The following ERICH3 variants were observed in gnomAD, a reference collection of about 807,000 sequenced individuals.
ERICH3 encodes glutamate rich 3, also known as glutamate-rich protein 3.
ERICH3 carries 126 observed loss-of-function variants against 131.1 expected under a neutral mutation model. The ratio of observed to expected loss-of-function variants is 0.96; its 90% CI spans 0.83 to 1.11. The LOEUF (loss-of-function observed/expected upper bound fraction) is 1.11. Ranked by LOEUF, ERICH3 falls within the 50% of genes most tolerant of loss-of-function variation. The pLI, the probability that ERICH3 is intolerant of heterozygous loss-of-function variation, is 0.00. For missense variants in ERICH3, 2,050 were observed against 1,810.7 expected, an observed-to-expected ratio of 1.13 and a Z score of -2.40; for synonymous variants, 695 against 644.6, an observed-to-expected ratio of 1.08 and a Z score of -1.18.
At chr1:74,629,742 A>G (rs187204595) in intron 7 of ERICH3, among the ~76,000 whole-genome samples, 1 of 152,284 alleles carries the variant, frequency 6.6e-6, no homozygotes, top group East Asian at 1.9e-4. Flanking sequence ...AACCAAACCC[A>G]GGCTGTGACC....
chr1:74,657,065 T>C lies in ERICH3; in HGVS notation c.24-7750A>G, dbSNP rs1039776809. Among the ~76,000 whole-genome samples, 5 of 152,212 alleles carry C rather than the reference T, an allele frequency of 3.3e-5. No individual in the cohort carries two copies. The East Asian group carries it at 9.6e-4, about 29-fold the overall frequency. On this transcript the variant is annotated intron_variant, in intron 1 of 14. Coordinates refer to ENST00000326665, the MANE Select transcript of ERICH3 (RefSeq NM_001002912.5). ...GGTCCAATTCCTTGACATATATCCT[T>C]TTTTAAAATCCACATGTGAGGATAA...
intron 1 of ERICH3, among the ~76,000 whole-genome samples, chr1:74,665,701 T>C (rs947669643): frequency 6.6e-6 from 1 of 152,206 alleles, no homozygotes; most frequent in African/African-American, 2.4e-5. Flanking sequence ...GTCTTTGTCC[T>C]AATCTCTTCT....
intron 3 of ERICH3, 146 bp from the exon 4 acceptor site, chr1:74,643,244 A>C (rs1423446210): frequency 1.7e-6 from 1 of 581,296 alleles, no homozygotes; most frequent in Non-Finnish European, 3.0e-6. Context: ...ATCAGTGCAC[A>C]AGTGGGAATG....
At chr1:74,642,951 G>A (rs1381929203) in intron 4 of ERICH3, 76 bp downstream of exon 4, 2 of 1,117,338 alleles carry the variant, frequency 1.8e-6, no homozygotes, top group African/African-American at 1.6e-5. Context: ...CAGGGAACTG[G>A]AATCATAGTT....
chr1:74,630,208 A>G (rs1170850791), intron 7 of ERICH3, among the ~76,000 whole-genome samples: 1 of 152,160 alleles, frequency 6.6e-6, no homozygotes, highest in Non-Finnish European at 1.5e-5. Flanking sequence ...TATGAGCCAC[A>G]TCTTTTGAGA....
At chr1:74,622,878 T>C (rs1336860251) in intron 7 of ERICH3, 1 of 152,222 alleles carries the variant, frequency 6.6e-6, no homozygotes, top group South Asian at 2.1e-4. Flanking sequence ...ATCTCTTTTC[T>C]CTTGGGTCTC....
chr1:74,595,944 A>G (rs1367726991), intron 11 of ERICH3, among the ~76,000 whole-genome samples: 1 of 152,046 alleles, frequency 6.6e-6, no homozygotes, highest in Non-Finnish European at 1.5e-5. Context: ...CTCTGATCCA[A>G]GAAGCAGATA....
At position 74,571,478 on chromosome 1, in the gene ERICH3, C is replaced by T. The variant is rs1324746960; in HGVS notation, c.4232G>A (p.Ser1411Asn). 2.5e-6 allele frequency: 4 copies of T among 1,614,036 alleles called. No individual in the cohort carries two copies. Among genetic ancestry groups the T allele is most frequent in the Non-Finnish European group, 3.4e-6 (4 of 1,180,040 alleles). The part of the protein sequence containing the change: ...GKVVVEELAR[S>N]GEEVPAAEEM... ...CTCTGCTGCTGGCACTTCCTCCCCACTCCGTGCTAATTCCTCTACCACCAC... is the reference window on the plus strand; with the variant it reads ...CTCTGCTGCTGGCACTTCCTCCCCATTCCGTGCTAATTCCTCTACCACCAC... The change falls in exon 14 of 15, where the codon AGT (serine) becomes AAT (asparagine). Residue 1411 changes from serine to asparagine, a missense_variant. By Grantham distance (46) the Ser-to-Asn change is conservative. Coordinates refer to ENST00000326665, the MANE Select transcript of ERICH3 (RefSeq NM_001002912.5).
At chr1:74,579,714 C>T (rs1647142387) in intron 12 of ERICH3, 1 of 985,208 alleles carries the variant, frequency 1.0e-6, no homozygotes, top group Admixed American at 6.2e-5. Flanking sequence ...TAAAAGAGGA[C>T]TGTGCATGCT....
intron 8 of ERICH3, among the ~76,000 whole-genome samples, chr1:74,616,563 T>C (rs900903447): frequency 2.0e-5 from 3 of 152,080 alleles, no homozygotes; most frequent in African/African-American, 7.2e-5. Flanking sequence ...AGTTGGAGCA[T>C]ACTTGAAAAT....
chr1:74,572,076 CA>C lies in ERICH3; in HGVS notation c.3633del (p.Asp1211GlufsTer6). 3.1e-6 allele frequency: 5 copies of C among 1,614,224 alleles called. No homozygotes were observed. Among genetic ancestry groups the C allele is most frequent in the African/African-American group, 1.3e-5 (1 of 75,068 alleles). On this transcript the variant is annotated frameshift_variant, in exon 14 of 15. Coordinates refer to ENST00000326665, the MANE Select transcript of ERICH3 (RefSeq NM_001002912.5). LOFTEE classifies it high-confidence loss of function. ...NRALKEGHRQ[D>X]GEGALAAPEA... ...TCAGGAGCTGCTAAGGCCCCCTCTC[CA>C]TCTTGGCGGTGCCCTTCCTTCAGGG... is the stretch of plus-strand genomic sequence containing the variant.
intron 13 of ERICH3, 113 bp downstream of exon 13, chr1:74,576,775 AGTCATTC>A: frequency 1.1e-6 from 1 of 885,726 alleles, no homozygotes; most frequent in African/African-American, 1.7e-5. Context: ...ACTTCTTAAA[AGTCATTC>A]AATAAATACT....
chr1:74,636,499 A>T, intron 5 of ERICH3, 61 bp from the exon 6 acceptor site: 1 of 1,470,916 alleles, frequency 6.8e-7, no homozygotes, highest in Non-Finnish European at 9.2e-7. Flanking sequence ...TCCAGAACCA[A>T]TTAATAACCC....
intron 1 of ERICH3, among the ~76,000 whole-genome samples, chr1:74,670,056 T>C (rs1646727142): frequency 6.6e-6 from 1 of 152,370 alleles, no homozygotes; most frequent in African/African-American, 2.4e-5. Context: ...TCACTACTTT[T>C]ATTTGAGGAA....
chr1:74,597,314 T>TAA (rs201877026), intron 11 of ERICH3, among the ~76,000 whole-genome samples: 1 of 150,476 alleles, frequency 6.6e-6, no homozygotes, highest in Non-Finnish European at 1.5e-5. Context: ...GACGATGGAG[T>TAA]AAAAAAAAAC....
At chr1:74,608,482 C>T (rs1313856324) in intron 9 of ERICH3, among the ~76,000 whole-genome samples, 2 of 151,996 alleles carry the variant, frequency 1.3e-5, no homozygotes, top group Non-Finnish European at 2.9e-5. Context: ...ATGCCTCAAC[C>T]TGAACAAATC....
At chr1:74,574,989 T>TA (rs397862098) in intron 13 of ERICH3, among the ~76,000 whole-genome samples, 4,280 of 144,360 alleles carry the variant, frequency 0.03, 169 homozygotes, top group African/African-American at 0.095. Flanking sequence ...AACTCTAACT[T>TA]AAAAAAAAAA....
chr1:74,587,841 G>T (rs575528490), intron 12 of ERICH3, among the ~76,000 whole-genome samples: 152 of 152,190 alleles, frequency 1.0e-3, no homozygotes, highest in African/African-American at 3.5e-3. Flanking sequence ...TTTTATAAAA[G>T]GGTTTCAAAT....
At chr1:74,615,951 G>A (rs1012557499) in intron 8 of ERICH3, among the ~76,000 whole-genome samples, 3 of 152,080 alleles carry the variant, frequency 2.0e-5, no homozygotes, top group Non-Finnish European at 4.4e-5. Flanking sequence ...AAGGTCAGAG[G>A]TTCTATGGGC....
Sources: allele counts gnomAD v4.1 joint callset (sites outside exome capture counted in the v4.1 genomes callset), GRCh38; gene constraint gnomAD v4.1.1; transcripts MANE v1.5; gene names NCBI Gene and HGNC (gene_info 2026-07-23, HGNC 2026-07-21).